The following CRACR2A variants were observed in gnomAD, a reference collection of about 807,000 sequenced individuals.
The protein encoded by CRACR2A is calcium release activated channel regulator 2A.
A neutral mutation model predicts 90.5 loss-of-function variants in CRACR2A; 79 were observed. The ratio of observed to expected loss-of-function variants is 0.87; its 90% CI spans 0.73 to 1.05. The LOEUF is 1.05. CRACR2A is among the 50% of genes least tolerant of loss of function. The pLI is 0.00. For synonymous variants in CRACR2A, 338 were observed against 356.7 expected (o/e 0.95, Z 0.59); for missense variants, 823 against 897.2 (o/e 0.92, Z 1.06).
intron 3 of CRACR2A, among the ~76,000 whole-genome samples, chr12:3,701,704 A>G (rs956834492): frequency 1.3e-5 from 2 of 152,172 alleles, no homozygotes; most frequent in African/African-American, 4.8e-5. Flanking sequence ...AGAAAACTTC[A>G]GGTCCGCATA....
intron 7 of CRACR2A, among the ~76,000 whole-genome samples, chr12:3,661,749 A>G (rs769366185): frequency 6.6e-6 from 1 of 152,220 alleles, no homozygotes; most frequent in Non-Finnish European, 1.5e-5. Flanking sequence ...TAGATGGTAA[A>G]TGATATCAAG....
chr12:3,651,897 C>T (rs17836207), intron 10 of CRACR2A, among the ~76,000 whole-genome samples: 32,175 of 152,028 alleles, frequency 0.21, 3,889 homozygotes, highest in East Asian at 0.45. Flanking sequence ...CTCCATCTGC[C>T]GGTCTGCAAC....
At chr12:3,720,431 GA>G in intron 2 of CRACR2A, among the ~76,000 whole-genome samples, 1 of 82,744 alleles carries the variant, frequency 1.2e-5, no homozygotes, top group African/African-American at 4.3e-5. Flanking sequence ...AAGAAAGAAA[GA>G]AAGAAAGAAA....
intron 10 of CRACR2A, among the ~76,000 whole-genome samples, chr12:3,652,842 T>C (rs537341280): frequency 1.2e-4 from 18 of 152,208 alleles, no homozygotes; most frequent in Non-Finnish European, 2.4e-4. Context: ...AGTCCAACTC[T>C]TGTAAGAATA....
chr12:3,715,146 T>G (rs150601328), intron 2 of CRACR2A, among the ~76,000 whole-genome samples: 1 of 152,208 alleles, frequency 6.6e-6, no homozygotes, highest in African/African-American at 2.4e-5. Flanking sequence ...ACTGGGTGCA[T>G]GGGATATGGC....
At chr12:3,673,364 C>A (rs1945284396) in intron 7 of CRACR2A, 82 bp downstream of exon 7, 1 of 1,513,080 alleles carries the variant, frequency 6.6e-7, no homozygotes, top group East Asian at 2.3e-5. Context: ...GATGTTTTGG[C>A]AGAAGATCTA....
At chr12:3,710,129 T>C (rs577392031) in intron 3 of CRACR2A, among the ~76,000 whole-genome samples, 22 of 152,190 alleles carry the variant, frequency 1.4e-4, no homozygotes, top group Admixed American at 5.9e-4. Flanking sequence ...GTGTCAATCT[T>C]AAACACACAG....
chr12:3,701,361 G>A (rs533166025), intron 3 of CRACR2A, among the ~76,000 whole-genome samples: 1 of 152,000 alleles, frequency 6.6e-6, no homozygotes, highest in Non-Finnish European at 1.5e-5. Flanking sequence ...AAGGATCGGA[G>A]AAGAAAAAAT....
At chr12:3,743,718 A>T (rs1278645387) in intron 1 of CRACR2A, among the ~76,000 whole-genome samples, 1 of 152,212 alleles carries the variant, frequency 6.6e-6, no homozygotes, top group Admixed American at 6.5e-5. Context: ...ATTATGAAGC[A>T]TGCAGCCCAC....
chr12:3,692,252 C>T (rs1052934627), intron 4 of CRACR2A, among the ~76,000 whole-genome samples: 2 of 152,190 alleles, frequency 1.3e-5, no homozygotes, highest in African/African-American at 4.8e-5. Flanking sequence ...CTGATCCTTT[C>T]TCATCTTTGT....
At chr12:3,738,660 C>T (rs1197551085) in intron 1 of CRACR2A, among the ~76,000 whole-genome samples, 2 of 152,070 alleles carry the variant, frequency 1.3e-5, no homozygotes, top group African/African-American at 4.8e-5. Context: ...GTCTAACATA[C>T]ATCTGTTTGG....
chr12:3,708,569 T>C (rs367740958), intron 3 of CRACR2A, among the ~76,000 whole-genome samples: 36 of 152,166 alleles, frequency 2.4e-4, no homozygotes, highest in Admixed American at 9.8e-4. Context: ...GGACTACAGG[T>C]GCCCGCCACC....
intron 13 of CRACR2A, among the ~76,000 whole-genome samples, chr12:3,638,908 C>T (rs1051705486): frequency 5.9e-5 from 9 of 152,234 alleles, no homozygotes; most frequent in Non-Finnish European, 1.3e-4. Context: ...TAGCAGATGA[C>T]CTTGGCTCTG....
Position 3,673,587 on chromosome 12 carries a change from C to T in CRACR2A, c.530G>A (p.Ser177Asn), listed in dbSNP as rs544002627. 1.2e-6 allele frequency: 2 copies of T among 1,613,036 alleles called. No individual in the cohort carries two copies. The highest frequency in any genetic ancestry group is 1.3e-5 in the African/African-American group (1 of 75,018). The part of the protein sequence containing the change: ...LGAQKVLEDE[S>N]DVKQLWLQLK... ...CTGCAACCAGAGCTGCTTGACATCA[C>T]TTTCACTGCAAGAGAAGGGACGCTC... The change falls in exon 7 of 20, where the codon AGT becomes AAT. Residue 177 changes from serine (S) to asparagine (N), a missense_variant. Ser to Asn is a conservative substitution (Grantham distance 46). Transcript: ENST00000440314.
At chr12:3,720,760 T>A (rs1012466174) in intron 2 of CRACR2A, among the ~76,000 whole-genome samples, 8 of 152,156 alleles carry the variant, frequency 5.3e-5, no homozygotes, top group African/African-American at 1.7e-4. Flanking sequence ...CTAACCAGAG[T>A]ATTTTAGAGC....
rs533104970 is a variant in CRACR2A, at chr12:3,627,879, G to A, written c.1736-173C>T. Among the ~76,000 whole-genome samples, 8 of 152,296 alleles carry A rather than the reference G, an allele frequency of 5.3e-5. No homozygotes were observed. In the South Asian group the frequency reaches 1.7e-3, roughly 32 times the overall value. On this transcript the variant is annotated intron_variant, in intron 15 of 19. Transcript: ENST00000440314. ...AAAGAACAGAGCACTGGATGGGGAG[G>A]CATGGGACCTCAGCTCTGGTCCTGT...
At chr12:3,745,451 T>G (rs1458502465) in intron 1 of CRACR2A, among the ~76,000 whole-genome samples, 1 of 151,528 alleles carries the variant, frequency 6.6e-6, no homozygotes, top group East Asian at 1.9e-4. Context: ...AGAAAGCCCC[T>G]AAAATTTCAG....
At chr12:3,618,570 G>A (rs1434742222) in intron 18 of CRACR2A, among the ~76,000 whole-genome samples, 3 of 152,094 alleles carry the variant, frequency 2.0e-5, no homozygotes, top group Non-Finnish European at 4.4e-5. Context: ...ATCTGTGCTC[G>A]TTCTCCCAGG....
At position 3,721,344 on chromosome 12, in the gene CRACR2A, G is replaced by A. The variant is rs1362306858; in HGVS notation, c.-117-8027C>T. On this transcript the variant is annotated intron_variant, in intron 2 of 19. Transcript: ENST00000440314. Reference sequence around the variant, plus strand: ...AGCCCAGGAATTTGAGACCAGCCTGGGCAACATAGCAAGACCCCGTCTCTA... The same window carrying A: ...AGCCCAGGAATTTGAGACCAGCCTGAGCAACATAGCAAGACCCCGTCTCTA... Among the ~76,000 whole-genome samples, 5 of 142,752 alleles carry A rather than the reference G, an allele frequency of 3.5e-5. No homozygotes were observed. The East Asian group carries it at 6.0e-4, about 17-fold the overall frequency. 93.7% of individuals were successfully genotyped at this position (142,752 alleles called of 152,430 possible). A position where few individuals can be genotyped will look rare whatever the true frequency, so the allele number is the denominator to read the frequency against.
Sources: allele counts gnomAD v4.1 joint callset (sites outside exome capture counted in the v4.1 genomes callset), GRCh38; gene constraint gnomAD v4.1.1; transcripts MANE v1.5; gene names NCBI Gene and HGNC (gene_info 2026-07-23, HGNC 2026-07-21).